KIAA0586: variants seen among roughly 807,000 people sequenced by gnomAD.
The protein encoded by KIAA0586 is protein TALPID3.
Under a neutral mutation model 169.8 loss-of-function variants are expected in KIAA0586, and 144 were observed. The observed-to-expected ratio is 0.85, with a 90% confidence interval of 0.74 to 0.97. The LOEUF is 0.97. Ranked by LOEUF, KIAA0586 falls within the 50% of genes least tolerant of loss-of-function variation. KIAA0586 has a pLI of 0.00. For missense variants in KIAA0586, 1,854 were observed against 1,823.0 expected, an observed-to-expected ratio of 1.02 and a Z score of -0.31; for synonymous variants, 625 against 612.4, an observed-to-expected ratio of 1.02 and a Z score of -0.30.
chr14:58,509,921 C>T (rs1264743640), intron 28 of KIAA0586, among the ~76,000 whole-genome samples: 1 of 152,102 alleles, frequency 6.6e-6, no homozygotes, highest in African/African-American at 2.4e-5. Flanking sequence ...AAAATATTTA[C>T]AAATCACTTA....
Position 58,440,532 on chromosome 14 carries a change from A to T in KIAA0586, c.411-2174A>T, listed in dbSNP as rs569540044. The stretch of plus-strand genomic sequence containing the variant: ...ATTTTTAGTAGAGACAGGGTTCACC[A>T]TGTTGGTCAGGCTGGTCTCAAACTC... On this transcript the variant is annotated intron_variant, in intron 4 of 30. Coordinates refer to ENST00000652326, the MANE Select transcript of KIAA0586 (RefSeq NM_001329943.3). 1.0e-3 allele frequency among the ~76,000 whole-genome samples: 159 copies of T among 152,276 alleles called. 1 individual carries two copies. Among genetic ancestry groups the T allele is most frequent in the African/African-American group, 3.2e-3 (135 of 41,560 alleles).
At chr14:58,510,731 A>G (rs887720474) in intron 28 of KIAA0586, among the ~76,000 whole-genome samples, 3 of 152,206 alleles carry the variant, frequency 2.0e-5, no homozygotes, top group Non-Finnish European at 4.4e-5. Flanking sequence ...ACAAATGTCA[A>G]TCAACTGGTA....
At chr14:58,485,158 G>A (rs2042357128) in intron 21 of KIAA0586, among the ~76,000 whole-genome samples, 1 of 150,084 alleles carries the variant, frequency 6.7e-6, no homozygotes, top group African/African-American at 2.5e-5. Context: ...TCCTGACCTC[G>A]TGATCTGCCC....
At chr14:58,510,326 G>A (rs1201345162) in intron 28 of KIAA0586, among the ~76,000 whole-genome samples, 1 of 152,078 alleles carries the variant, frequency 6.6e-6, no homozygotes, top group Non-Finnish European at 1.5e-5. Context: ...CCAAGATCTC[G>A]CCACTGCACT....
intron 6 of KIAA0586, among the ~76,000 whole-genome samples, chr14:58,447,246 A>G (rs980608617): frequency 1.3e-5 from 2 of 152,116 alleles, no homozygotes; most frequent in African/African-American, 4.8e-5. Context: ...CTGTAAAACT[A>G]TAAATTTTTT....
chr14:58,488,587 C>G (rs201623443), intron 23 of KIAA0586, 34 bp from the exon 24 acceptor site: 1 of 1,608,150 alleles, frequency 6.2e-7, no homozygotes, highest in Non-Finnish European at 8.5e-7. Flanking sequence ...CTTCAGTGAC[C>G]TAACAAGCTC....
At chr14:58,430,846 A>G (rs115523771) in intron 3 of KIAA0586, 129 bp downstream of exon 3, 10 of 580,418 alleles carry the variant, frequency 1.7e-5, no homozygotes, top group African/African-American at 1.3e-4. Flanking sequence ...ATCACCTTTC[A>G]TATCCAGAGC....
intron 29 of KIAA0586, among the ~76,000 whole-genome samples, chr14:58,539,249 G>A (rs2046491441): frequency 6.6e-6 from 1 of 151,958 alleles, no homozygotes; most frequent in African/African-American, 2.4e-5. Context: ...TGTACTACCT[G>A]AAATTTTTGT....
At chr14:58,448,878 C>CA (rs1210456091) in intron 7 of KIAA0586, among the ~76,000 whole-genome samples, 1 of 152,094 alleles carries the variant, frequency 6.6e-6, no homozygotes, top group Non-Finnish European at 1.5e-5. Flanking sequence ...TGTTCTCTGA[C>CA]AAACTGCATA....
chr14:58,463,429 C>G lies in KIAA0586; in HGVS notation c.2059+2269C>G, dbSNP rs145070540. 1.7e-3 allele frequency among the ~76,000 whole-genome samples: 257 copies of G among 152,208 alleles called. 1 individual carries two copies. The highest frequency in any genetic ancestry group is 5.7e-3 in the African/African-American group (237 of 41,524). ...GCTGAACAAACATTTTAAATAAACA[C>G]TTAAGAAAAATATTCATTCAATAGA... On this transcript the variant is annotated intron_variant, in intron 14 of 30. Coordinates refer to ENST00000652326, the MANE Select transcript of KIAA0586 (RefSeq NM_001329943.3).
At position 58,456,760 on chromosome 14, in the gene KIAA0586, G is replaced by A; in HGVS notation, c.1312G>A (p.Val438Ile). The change falls in exon 10 of 31, where the codon GTT becomes ATT. Residue 438 changes from valine (V) to isoleucine (I), a missense_variant. Coordinates refer to ENST00000652326, the MANE Select transcript of KIAA0586 (RefSeq NM_001329943.3). ...AGTGACTATGCAGAAGTCTGATGAT[G>A]TTCTTCATGACCTTGGCCAAAAAGA... is the stretch of plus-strand genomic sequence containing the variant. ...TKVTMQKSDD[V>I]LHDLGQKEKE... 1 of 1,605,794 alleles carries A rather than the reference G, an allele frequency of 6.2e-7. No homozygotes were observed.
intron 29 of KIAA0586, among the ~76,000 whole-genome samples, chr14:58,523,065 A>G (rs1159440881): frequency 1.3e-5 from 2 of 152,088 alleles, no homozygotes; most frequent in African/African-American, 4.8e-5. Flanking sequence ...TGTCATATAT[A>G]TATATATAGT....
In KIAA0586 at chr14:58,547,913, C is replaced by T. The variant is rs767347007; in HGVS notation, c.4628C>T (p.Ser1543Leu). 3.1e-6 allele frequency: 5 copies of T among 1,613,568 alleles called. No homozygotes were observed. Among genetic ancestry groups the T allele is most frequent in the African/African-American group, 1.3e-5 (1 of 74,960 alleles). Residue 1543 changes from serine to leucine, a missense_variant, in exon 31 of 31, where the codon TCG becomes TTG. Ser to Leu is a moderately radical substitution (Grantham distance 145). Coordinates refer to ENST00000652326, the MANE Select transcript of KIAA0586 (RefSeq NM_001329943.3). ...ACAATGCAGGAGGACATGGAGTCTT[C>T]GGGGGCAGATACCTTCTGAACGGGA... The part of the protein sequence containing the change: ...LSTMQEDMES[S>L]GADTF
Position 58,492,250 on chromosome 14 carries a change from C to T in KIAA0586, c.3965C>T (p.Ser1322Phe), listed in dbSNP as rs545234267. 7.1e-6 allele frequency: 11 copies of T among 1,550,990 alleles called. No homozygotes were observed. The South Asian group carries it at 1.2e-4, about 17-fold the overall frequency. Residue 1322 changes from serine to phenylalanine, a missense_variant, in exon 26 of 31, where the codon TCC (serine) becomes TTC (phenylalanine). Transcript: ENST00000652326. Reference sequence around the variant, plus strand: ...AAACAAAACCAGGAGTCAGCAGTTTCCCAGCAAGCAGTCTATCATTCAGAG... The same window carrying T: ...AAACAAAACCAGGAGTCAGCAGTTTTCCAGCAAGCAGTCTATCATTCAGAG... ...FAKQNQESAV[S>F]QQAVYHSEDL...
rs1482514541 is a variant in KIAA0586, at chr14:58,501,267, T to C, written c.4168+2307T>C. On this transcript the variant is annotated intron_variant, in intron 27 of 30. Transcript: ENST00000652326. ...TTTCCCATGTGAATAAATGTAAAGA[T>C]TGGCCTTATTTCTCATTTTGTACAC... Among the ~76,000 whole-genome samples, 5 of 152,234 alleles carry C rather than the reference T, an allele frequency of 3.3e-5. No homozygotes were observed. In the East Asian group the frequency reaches 9.6e-4, roughly 29 times the overall value.
chr14:58,496,930 T>C (rs1039162007), intron 26 of KIAA0586, among the ~76,000 whole-genome samples: 3 of 152,104 alleles, frequency 2.0e-5, no homozygotes, highest in Non-Finnish European at 4.4e-5. Context: ...AGGAGTCTTA[T>C]ATTTTTTCAT....
chr14:58,537,265 A>G, intron 29 of KIAA0586: 1 of 795,154 alleles, frequency 1.3e-6, no homozygotes, highest in Non-Finnish European at 1.5e-6. Flanking sequence ...TCACTGCAGA[A>G]GTCAAGATCC....
chr14:58,465,913 A>G lies in KIAA0586; in HGVS notation c.2138A>G (p.His713Arg), dbSNP rs762645737. The change falls in exon 15 of 31, where the codon CAT becomes CGT. Residue 713 changes from histidine to arginine, a missense_variant. Physicochemically the swap from His to Arg is conservative, Grantham distance 29. Coordinates refer to ENST00000652326, the MANE Select transcript of KIAA0586 (RefSeq NM_001329943.3). The part of the protein sequence containing the change: ...KPKKMDSKMK[H>R]SVPVLPHGDQ... ...AAGAAGATGGATTCTAAAATGAAAC[A>G]TTCTGTTCCTGTGTTACCTCATGGC... 3.7e-6 allele frequency: 6 copies of G among 1,613,100 alleles called. No individual in the cohort carries two copies. Among genetic ancestry groups the G allele is most frequent in the South Asian group, 3.3e-5 (3 of 90,994 alleles).
At chr14:58,516,097 A>C (rs1361558074) in intron 29 of KIAA0586, among the ~76,000 whole-genome samples, 2 of 152,200 alleles carry the variant, frequency 1.3e-5, no homozygotes, top group Non-Finnish European at 2.9e-5. Flanking sequence ...GTATTTGGTT[A>C]AACTTTTTAA....
Sources: gnomAD v4.1 joint callset for allele counts (sites outside exome capture counted in the v4.1 genomes callset) on GRCh38, gnomAD v4.1.1 for gene constraint, MANE v1.5 for transcripts, NCBI Gene and HGNC (gene_info 2026-07-23, HGNC 2026-07-21) for gene names.